CSMD2: variants seen among roughly 807,000 people sequenced by gnomAD.
CSMD2 encodes CUB and sushi domain-containing protein 2.
A neutral mutation model predicts 398.5 loss-of-function variants in CSMD2; 130 were observed. That is an observed-to-expected ratio of 0.33 (90% CI 0.28 to 0.38). The LOEUF (loss-of-function observed/expected upper bound fraction) is 0.38, where lower values mean the gene tolerates loss of function less well. Among genes scored for constraint, CSMD2 ranks in the 10% least tolerant of loss-of-function variants. The pLI is 1.00. For missense variants in CSMD2, 3,829 were observed against 4,764.9 expected (o/e 0.80, Z 5.78); for synonymous variants, 1,828 against 1,908.5 (o/e 0.96, Z 1.10).
intron 24 of CSMD2, among the ~76,000 whole-genome samples, chr1:33,698,428 C>T (rs1302440594): frequency 6.6e-6 from 1 of 152,170 alleles, no homozygotes; most frequent in Non-Finnish European, 1.5e-5. Context: ...CCCCATCTCT[C>T]CCTTTCTAAT....
chr1:34,133,081 C>T (rs1571222066), intron 1 of CSMD2, among the ~76,000 whole-genome samples: 1 of 152,022 alleles, frequency 6.6e-6, no homozygotes, highest in East Asian at 1.9e-4. Flanking sequence ...CCTCATGCTT[C>T]GTCCTAGGAC....
intron 25 of CSMD2, among the ~76,000 whole-genome samples, chr1:33,677,181 G>A (rs6666597): frequency 0.6 from 91,210 of 151,362 alleles, 27,714 homozygotes; most frequent in East Asian, 0.74. Flanking sequence ...GCAACCTACA[G>A]AATGGGAGAA....
intron 5 of CSMD2, among the ~76,000 whole-genome samples, chr1:33,898,537 T>G (rs1287940682): frequency 6.6e-6 from 1 of 152,238 alleles, no homozygotes; most frequent in Admixed American, 6.5e-5. Context: ...TGGTGTTATC[T>G]CAGCCCCTGT....
chr1:33,918,126 C>T lies in CSMD2; in HGVS notation c.888G>A (p.Leu296=). 6.2e-7 allele frequency: 1 copy of T among 1,613,996 alleles called. No individual in the cohort carries two copies. The highest frequency in any genetic ancestry group is 8.5e-7 in the Non-Finnish European group (1 of 1,180,020). The change falls in exon 5 of 71, where the codon CTG becomes CTA. Residue 296 remains leucine, a synonymous_variant. Coordinates refer to ENST00000373381, the MANE Select transcript of CSMD2 (RefSeq NM_001281956.2). ...AGGAGCCTTCTGTCCCAGTGACTTC[C>T]AGAAAGTCGTAACCATCCTCCAGCT... ...DFQLEDGYDF[L]EVTGTEGSSL...
intron 3 of CSMD2, among the ~76,000 whole-genome samples, chr1:34,003,801 A>G (rs953780402): frequency 6.6e-6 from 1 of 152,128 alleles, no homozygotes. Flanking sequence ...GCCTTTCCTC[A>G]AACAGAAGTG....
intron 27 of CSMD2, among the ~76,000 whole-genome samples, chr1:33,655,949 C>T (rs1420446381): frequency 6.6e-6 from 1 of 152,226 alleles, no homozygotes; most frequent in African/African-American, 2.4e-5. Flanking sequence ...GGGACAATCT[C>T]ATCTCAGGAC....
At chr1:33,708,541 C>T (rs10798983) in intron 22 of CSMD2, among the ~76,000 whole-genome samples, 62,989 of 151,254 alleles carry the variant, frequency 0.42, 13,200 homozygotes, top group East Asian at 0.48. Context: ...TCCATGTTGA[C>T]GGTCAGGGCT....
At chr1:33,641,791 GT>G (rs1643123620) in intron 29 of CSMD2, among the ~76,000 whole-genome samples, 1 of 152,160 alleles carries the variant, frequency 6.6e-6, no homozygotes, top group Non-Finnish European at 1.5e-5. Context: ...CGGTCTAGTT[GT>G]CACGAGGATG....
intron 5 of CSMD2, among the ~76,000 whole-genome samples, chr1:33,849,996 T>C (rs1638586138): frequency 6.6e-6 from 1 of 152,060 alleles, no homozygotes; most frequent in African/African-American, 2.4e-5. Context: ...TCCTCCTCTT[T>C]ACCCTTTATG....
intron 3 of CSMD2, among the ~76,000 whole-genome samples, chr1:34,006,612 A>G (rs1164110673): frequency 1.3e-5 from 2 of 152,148 alleles, no homozygotes; most frequent in Non-Finnish European, 2.9e-5. Flanking sequence ...TGTCTGTCTT[A>G]CTTGTGAGCT....
chr1:33,527,828 A>T (rs992281064), intron 64 of CSMD2, among the ~76,000 whole-genome samples: 1 of 151,584 alleles, frequency 6.6e-6, no homozygotes, highest in Admixed American at 6.6e-5. Context: ...CTCATTGAAA[A>T]CTTTGCGGAG....
chr1:34,009,551 T>C (rs1364470370), intron 3 of CSMD2, among the ~76,000 whole-genome samples: 2 of 151,974 alleles, frequency 1.3e-5, no homozygotes, highest in Non-Finnish European at 2.9e-5. Context: ...GGTCCCTCCA[T>C]GTAAGCCTCT....
intron 3 of CSMD2, among the ~76,000 whole-genome samples, chr1:34,015,442 C>G (rs1158407786): frequency 2.6e-5 from 4 of 152,190 alleles, no homozygotes; most frequent in African/African-American, 9.6e-5. Context: ...TCCCTGCCTC[C>G]AGAAGTGGGT....
At chr1:33,937,920 T>G (rs957494213) in intron 3 of CSMD2, among the ~76,000 whole-genome samples, 4 of 152,264 alleles carry the variant, frequency 2.6e-5, no homozygotes, top group African/African-American at 9.6e-5. Context: ...GGCGTGGGCC[T>G]AGTCTGGTTC....
chr1:33,535,908 G>T (rs551375848), intron 62 of CSMD2, among the ~76,000 whole-genome samples: 1 of 151,970 alleles, frequency 6.6e-6, no homozygotes, highest in African/African-American at 2.4e-5. Flanking sequence ...AACCCACCCC[G>T]TTCACACCCC....
intron 24 of CSMD2, among the ~76,000 whole-genome samples, chr1:33,694,256 A>T (rs1348901041): frequency 1.3e-5 from 2 of 152,176 alleles, no homozygotes; most frequent in Non-Finnish European, 2.9e-5. Context: ...GGGGAAGGGG[A>T]CAACGGGGAG....
At chr1:33,658,363 TCAC>T (rs1168858705) in intron 26 of CSMD2, among the ~76,000 whole-genome samples, 9 of 152,310 alleles carry the variant, frequency 5.9e-5, no homozygotes, top group African/African-American at 2.2e-4. Context: ...CTCACTGATA[TCAC>T]CACTACCATT....
At chr1:33,582,343 G>A (rs1411788661) in intron 47 of CSMD2, among the ~76,000 whole-genome samples, 1 of 152,136 alleles carries the variant, frequency 6.6e-6, no homozygotes, top group Non-Finnish European at 1.5e-5. Flanking sequence ...AAGGTAAATA[G>A]GAAGCCAAGA....
At chr1:33,837,413 C>G (rs946822223) in intron 6 of CSMD2, among the ~76,000 whole-genome samples, 2 of 151,918 alleles carry the variant, frequency 1.3e-5, no homozygotes, top group African/African-American at 4.8e-5. Flanking sequence ...GGAGCACCCA[C>G]TAGCCTTGTC....
Sources: gnomAD v4.1 joint callset for allele counts (sites outside exome capture counted in the v4.1 genomes callset) on GRCh38, gnomAD v4.1.1 for gene constraint, MANE v1.5 for transcripts, NCBI Gene and HGNC (gene_info 2026-07-23, HGNC 2026-07-21) for gene names.